SAMHD1: variants seen among roughly 807,000 people sequenced by gnomAD.
SAMHD1 encodes deoxynucleoside triphosphate triphosphohydrolase SAMHD1.
Under a neutral mutation model 79.6 loss-of-function variants are expected in SAMHD1, and 54 were observed. That is an observed-to-expected ratio of 0.68 (90% CI 0.55 to 0.85). SAMHD1 has a LOEUF of 0.85. Ranked by LOEUF, SAMHD1 falls within the 40% of genes least tolerant of loss-of-function variation. SAMHD1 has a pLI of 0.00. For synonymous variants in SAMHD1, 260 were observed against 264.1 expected (o/e 0.98, Z 0.15); for missense variants, 663 against 782.7 (o/e 0.85, Z 1.82).
chr20:36,916,484 C>A, intron 9 of SAMHD1: 1 of 430,362 alleles, frequency 2.3e-6, no homozygotes. Flanking sequence ...AAAATGCAAC[C>A]AACCAAACAA....
chr20:36,889,860 C>CA (rs1990017335), downstream of SAMHD1: 1 of 153,124 alleles, frequency 6.5e-6, no homozygotes, highest in Non-Finnish European at 1.5e-5. Flanking sequence ...TTCAACCCCC[C>CA]CCAACTCTTA....
chr20:36,890,326 G>A lies in SAMHD1; in HGVS notation c.*2606C>T, dbSNP rs1247699992. ...CTATTTACATTCCCAAGGTAACCAC[G>A]TTCAGTAACTCTCTAGAGGCTAAGC... On this transcript the variant is annotated 3_prime_UTR_variant, in exon 16 of 16. Coordinates refer to ENST00000646673, the MANE Select transcript of SAMHD1 (RefSeq NM_015474.4). 5.9e-5 allele frequency: 9 copies of A among 151,858 alleles called. No homozygotes were observed. Among genetic ancestry groups the A allele is most frequent in the African/African-American group, 2.2e-4 (9 of 41,324 alleles). The allele number at this position is 151,858 out of a possible 1,614,324, so 9.4% of individuals were successfully genotyped here.
At chr20:36,942,850 G>T (rs2063656622) in intron 2 of SAMHD1, among the ~76,000 whole-genome samples, 1 of 151,956 alleles carries the variant, frequency 6.6e-6, no homozygotes, top group African/African-American at 2.4e-5. Context: ...TAGAGACAGG[G>T]TTTCACCATG....
At chr20:36,949,654 G>T (rs2063719779) in intron 1 of SAMHD1, among the ~76,000 whole-genome samples, 1 of 150,430 alleles carries the variant, frequency 6.6e-6, no homozygotes, top group Admixed American at 6.7e-5. Flanking sequence ...CTACTCGGGA[G>T]GCTGAGGCAG....
intron 4 of SAMHD1, among the ~76,000 whole-genome samples, chr20:36,932,905 T>G (rs1172831608): frequency 2.0e-5 from 3 of 152,198 alleles, no homozygotes; most frequent in Non-Finnish European, 2.9e-5. Context: ...TTCTATTCTG[T>G]GTATTTTACC....
chr20:36,925,749 C>T (rs1390060542), intron 6 of SAMHD1, among the ~76,000 whole-genome samples: 2 of 152,060 alleles, frequency 1.3e-5, no homozygotes, highest in African/African-American at 4.8e-5. Context: ...AAATAGTATT[C>T]AACATACATT....
At position 36,946,386 on chromosome 20, in the gene SAMHD1, C is replaced by T; in HGVS notation, c.275+352G>A. The T allele has an allele frequency of 1.3e-5, 3 of 225,644 alleles. No homozygotes were observed. The South Asian group carries it at 1.6e-4, about 12-fold the overall frequency. The allele number at this position is 225,644 out of a possible 1,614,324, so 14.0% of individuals were successfully genotyped here. A position where few individuals can be genotyped will look rare whatever the true frequency, so the allele number is the denominator to read the frequency against. On this transcript the variant is annotated intron_variant, in intron 2 of 15. Coordinates refer to ENST00000646673, the MANE Select transcript of SAMHD1 (RefSeq NM_015474.4). Reference sequence around the variant, plus strand: ...CAAGATCACGCCACTGCACTCCAGCCTGGGAGACAGAGCGAGACTCTGTCT... The same window carrying T: ...CAAGATCACGCCACTGCACTCCAGCTTGGGAGACAGAGCGAGACTCTGTCT...
chr20:36,916,137 G>T (rs8123308), intron 9 of SAMHD1, among the ~76,000 whole-genome samples: 30,395 of 151,604 alleles, frequency 0.2, 3,606 homozygotes, highest in African/African-American at 0.32. Context: ...CTCCAGCCTG[G>T]GTGACTGAGC....
intron 13 of SAMHD1, among the ~76,000 whole-genome samples, chr20:36,902,187 G>A (rs1217752568): frequency 6.6e-6 from 1 of 151,760 alleles, no homozygotes; most frequent in Non-Finnish European, 1.5e-5. Flanking sequence ...ATTATTAGTA[G>A]TAGTATTTTT....
In SAMHD1 at chr20:36,911,464, C is replaced by T. The variant is rs561991233; in HGVS notation, c.1155-131G>A. 35 of 670,676 alleles carry T rather than the reference C, an allele frequency of 5.2e-5. No individual in the cohort carries two copies. The African/African-American group carries it at 5.7e-4, about 11-fold the overall frequency. 41.5% of individuals were successfully genotyped at this position (670,676 alleles called of 1,614,324 possible). On this transcript the variant is annotated intron_variant, in intron 10 of 15. Coordinates refer to ENST00000646673, the MANE Select transcript of SAMHD1 (RefSeq NM_015474.4). ...CACAGTGTTCTAAAGACAACTGCTT[C>T]TCCACCGTACTAAATTTGTGCTTGG...
intron 6 of SAMHD1, among the ~76,000 whole-genome samples, chr20:36,922,475 C>T (rs544162275): frequency 2.9e-4 from 44 of 152,298 alleles, no homozygotes; most frequent in African/African-American, 1.1e-3. Context: ...TATCCCTGAA[C>T]TCCTGGATTC....
chr20:36,913,187 T>C (rs1430936680), intron 9 of SAMHD1, among the ~76,000 whole-genome samples: 3 of 150,836 alleles, frequency 2.0e-5, no homozygotes, highest in Non-Finnish European at 4.4e-5. Context: ...TTAGTAGAGA[T>C]GGAGTTTCAC....
At chr20:36,943,614 T>C (rs2063662736) in intron 2 of SAMHD1, among the ~76,000 whole-genome samples, 1 of 152,156 alleles carries the variant, frequency 6.6e-6, no homozygotes, top group South Asian at 2.1e-4. Context: ...TCCAAAAATA[T>C]TCACTGAATG....
chr20:36,919,555 T>C (rs1189402060), intron 6 of SAMHD1, 36 bp from the exon 7 acceptor site: 1 of 1,605,784 alleles, frequency 6.2e-7, no homozygotes, highest in Non-Finnish European at 8.5e-7. Flanking sequence ...GTGTTAAAGA[T>C]TCTAGCCCAT....
At chr20:36,915,995 T>C (rs755753298) in intron 9 of SAMHD1, among the ~76,000 whole-genome samples, 3 of 151,878 alleles carry the variant, frequency 2.0e-5, no homozygotes, top group Non-Finnish European at 4.4e-5. Context: ...CTGTCTCTAC[T>C]AAAAATACAA....
At chr20:36,931,163 T>C (rs1043669103) in intron 4 of SAMHD1, 1 of 411,012 alleles carries the variant, frequency 2.4e-6, no homozygotes, top group Non-Finnish European at 4.6e-6. Flanking sequence ...AACCAGAAAA[T>C]AACAAGTGTT....
chr20:36,927,875 G>C (rs534096149), intron 5 of SAMHD1, among the ~76,000 whole-genome samples: 1 of 152,150 alleles, frequency 6.6e-6, no homozygotes, highest in East Asian at 1.9e-4. Context: ...GAGTGCAGTG[G>C]CTATTCACAA....
intron 9 of SAMHD1, among the ~76,000 whole-genome samples, chr20:36,913,551 G>A (rs188671581): frequency 4.6e-4 from 69 of 150,472 alleles, no homozygotes; most frequent in African/African-American, 1.7e-3. Flanking sequence ...TGCAGTGAGC[G>A]GAGATCACGC....
intron 13 of SAMHD1, among the ~76,000 whole-genome samples, chr20:36,898,910 CAA>C (rs57902699): frequency 0.013 from 895 of 69,394 alleles, 6 homozygotes; most frequent in African/African-American, 0.04. Context: ...GACTCTGACT[CAA>C]AAAAAAAAAA....
Sources: gnomAD v4.1 joint callset for allele counts (sites outside exome capture counted in the v4.1 genomes callset) on GRCh38, gnomAD v4.1.1 for gene constraint, MANE v1.5 for transcripts, NCBI Gene and HGNC (gene_info 2026-07-23, HGNC 2026-07-21) for gene names.